NCAM2: variants seen among roughly 807,000 people sequenced by gnomAD.
The protein encoded by NCAM2 is N-CAM-2.
NCAM2 carries 30 observed loss-of-function variants against 98.1 expected under a neutral mutation model. The ratio of observed to expected loss-of-function variants is 0.31; its 90% CI spans 0.23 to 0.41. The LOEUF is 0.41. NCAM2 is among the 10% of genes least tolerant of loss of function. The pLI is 1.00. For missense variants in NCAM2, 867 were observed against 1,005.8 expected (o/e 0.86, Z 1.87); for synonymous variants, 368 against 342.4 (o/e 1.07, Z -0.83).
At chr21:21,356,636 T>C (rs232481) in intron 8 of NCAM2, among the ~76,000 whole-genome samples, 54,447 of 151,956 alleles carry the variant, frequency 0.36, 9,962 homozygotes, top group East Asian at 0.58. Flanking sequence ...CAACTATCAA[T>C]AAATAATGAA....
chr21:21,131,784 G>T (rs1051807004), intron 1 of NCAM2, among the ~76,000 whole-genome samples: 1 of 152,000 alleles, frequency 6.6e-6, no homozygotes, highest in African/African-American at 2.4e-5. Flanking sequence ...TATTCAAAAG[G>T]TTTTAACTTA....
At chr21:21,161,182 A>G (rs1041448562) in intron 1 of NCAM2, among the ~76,000 whole-genome samples, 1 of 152,056 alleles carries the variant, frequency 6.6e-6, no homozygotes, top group Admixed American at 6.6e-5. Context: ...TTATTTGCGA[A>G]TAGATAGGAA....
chr21:21,160,115 TG>T (rs1285612862), intron 1 of NCAM2, among the ~76,000 whole-genome samples: 1 of 152,068 alleles, frequency 6.6e-6, no homozygotes, highest in East Asian at 1.9e-4. Flanking sequence ...TTTAAATATA[TG>T]TACCGTGTAA....
intron 11 of NCAM2, among the ~76,000 whole-genome samples, chr21:21,420,396 T>C (rs1164891654): frequency 6.6e-6 from 1 of 151,980 alleles, no homozygotes; most frequent in Non-Finnish European, 1.5e-5. Context: ...CTAAAATACA[T>C]TTTAAAAAAT....
chr21:21,126,881 T>G (rs980965060), intron 1 of NCAM2, among the ~76,000 whole-genome samples: 1 of 151,992 alleles, frequency 6.6e-6, no homozygotes, highest in Non-Finnish European at 1.5e-5. Flanking sequence ...TTAAAAAACG[T>G]TGATGCTAAG....
At chr21:21,320,469 A>G (rs1280657092) in intron 5 of NCAM2, among the ~76,000 whole-genome samples, 2 of 152,280 alleles carry the variant, frequency 1.3e-5, no homozygotes, top group East Asian at 3.9e-4. Flanking sequence ...GATCACCCTC[A>G]TAAATTCAGA....
intron 12 of NCAM2, among the ~76,000 whole-genome samples, chr21:21,435,425 A>C (rs1978299000): frequency 6.6e-6 from 1 of 152,082 alleles, no homozygotes; most frequent in African/African-American, 2.4e-5. Flanking sequence ...GGAGGGAAGC[A>C]TCACTGCGCT....
At chr21:21,092,712 C>T (rs2066038137) in intron 1 of NCAM2, among the ~76,000 whole-genome samples, 1 of 151,810 alleles carries the variant, frequency 6.6e-6, no homozygotes, top group African/African-American at 2.4e-5. Flanking sequence ...TGTCTTGATT[C>T]CTAGCTCAGA....
intron 1 of NCAM2, among the ~76,000 whole-genome samples, chr21:21,262,975 A>G (rs993664056): frequency 2.6e-5 from 4 of 152,082 alleles, no homozygotes; most frequent in East Asian, 1.9e-4. Context: ...CCATGATTCA[A>G]TTACCTCCCA....
intron 9 of NCAM2, among the ~76,000 whole-genome samples, chr21:21,394,546 T>C (rs974144833): frequency 7.5e-6 from 1 of 133,192 alleles, no homozygotes; most frequent in African/African-American, 2.8e-5. Flanking sequence ...TGGACTGCAG[T>C]GGTGCAATCT....
chr21:21,149,824 A>C (rs1430038122), intron 1 of NCAM2, among the ~76,000 whole-genome samples: 3 of 152,128 alleles, frequency 2.0e-5, no homozygotes, highest in Admixed American at 6.6e-5. Flanking sequence ...TTGATGGGGC[A>C]TTTGAGTTGG....
At chr21:21,264,955 G>GTATGTATATATACACATATATATTATA (rs2072095039) in intron 1 of NCAM2, among the ~76,000 whole-genome samples, 2 of 80,820 alleles carry the variant, frequency 2.5e-5, no homozygotes, top group African/African-American at 3.9e-5. Context: ...ATATATATGT[G>GTATGTATATATACACATATATATTATA]TATGTGTATA....
intron 1 of NCAM2, among the ~76,000 whole-genome samples, chr21:21,221,095 G>A (rs2070130251): frequency 6.6e-6 from 1 of 152,100 alleles, no homozygotes. Context: ...GATCTTTGAA[G>A]ATAAAATTTT....
chr21:21,498,446 GAGATT>G (rs1190500047), intron 15 of NCAM2, among the ~76,000 whole-genome samples: 1 of 151,938 alleles, frequency 6.6e-6, no homozygotes, highest in Non-Finnish European at 1.5e-5. Flanking sequence ...AAAATTACAG[GAGATT>G]ACATGTTGTA....
intron 1 of NCAM2, among the ~76,000 whole-genome samples, chr21:21,268,544 C>T (rs2072374074): frequency 6.6e-6 from 1 of 152,114 alleles, no homozygotes; most frequent in Admixed American, 6.6e-5. Context: ...ACATATAGCC[C>T]CAGAAAATTG....
intron 1 of NCAM2, among the ~76,000 whole-genome samples, chr21:21,102,157 CT>C (rs1164757695): frequency 6.6e-6 from 1 of 152,036 alleles, no homozygotes; most frequent in Non-Finnish European, 1.5e-5. Flanking sequence ...AATATGCACA[CT>C]TGTGTTAAAA....
chr21:21,268,622 T>G (rs1430752794), intron 1 of NCAM2, among the ~76,000 whole-genome samples: 1 of 152,148 alleles, frequency 6.6e-6, no homozygotes, highest in Admixed American at 6.6e-5. Context: ...TTATTTTATC[T>G]CAAGCTGGGA....
At chr21:21,517,967 C>T (rs542372459) in intron 16 of NCAM2, among the ~76,000 whole-genome samples, 46 of 152,226 alleles carry the variant, frequency 3.0e-4, no homozygotes, top group Middle Eastern at 3.4e-3. Context: ...AGCTTGAATC[C>T]CAGTACACTT....
At chr21:21,416,657 T>C (rs999552966) in intron 10 of NCAM2, among the ~76,000 whole-genome samples, 2 of 152,196 alleles carry the variant, frequency 1.3e-5, no homozygotes, top group Admixed American at 6.5e-5. Context: ...AGATGTTTCT[T>C]GATTAATATT....
Sources: allele counts gnomAD v4.1 joint callset (sites outside exome capture counted in the v4.1 genomes callset), GRCh38; gene constraint gnomAD v4.1.1; transcripts MANE v1.5; gene names NCBI Gene and HGNC (gene_info 2026-07-23, HGNC 2026-07-21).